CNTNAP4: variants seen among roughly 807,000 people sequenced by gnomAD.
CNTNAP4 encodes contactin-associated protein-like 4.
Under a neutral mutation model 148.4 loss-of-function variants are expected in CNTNAP4, and 98 were observed. That is an observed-to-expected ratio of 0.66 (90% CI 0.56 to 0.78). CNTNAP4 has a LOEUF of 0.78. Among genes scored for constraint, CNTNAP4 ranks in the 30% least tolerant of loss-of-function variants. The pLI is 0.00. For synonymous variants in CNTNAP4, 730 were observed against 565.1 expected (o/e 1.29, Z -4.14); for missense variants, 1,935 against 1,565.6 (o/e 1.24, Z -3.98).
rs542441752 is a variant in CNTNAP4 at position 76,298,053 on chromosome 16, C to T, written c.86-18360C>T. 5.3e-5 allele frequency among the ~76,000 whole-genome samples: 8 copies of T among 152,260 alleles called. No individual in the cohort carries two copies. In the South Asian group the frequency reaches 1.7e-3, roughly 32 times the overall value. On this transcript the variant is annotated intron_variant, in intron 1 of 23. Coordinates refer to ENST00000611870, the MANE Select transcript of CNTNAP4 (RefSeq NM_033401.5). ...CATAGTCACAAATTACTGTGGCTGC[C>T]TCTTTAGTGTCCCTACATCTTCCCC...
At position 76,495,084 on chromosome 16, in the gene CNTNAP4, T is replaced by C; in HGVS notation, c.2237+18T>C. 6.2e-7 allele frequency: 1 copy of C among 1,610,954 alleles called. No homozygotes were observed. Among genetic ancestry groups the C allele is most frequent in the South Asian group, 1.1e-5 (1 of 90,900 alleles). On this transcript the variant is annotated intron_variant, in intron 14 of 23. Transcript: ENST00000611870. Reference sequence around the variant, plus strand: ...AATGAATGGTGATTTCCATATGATTTCTTTATGCAAGAAAAAGTTCATTTA... The same window carrying C: ...AATGAATGGTGATTTCCATATGATTCCTTTATGCAAGAAAAAGTTCATTTA...
chr16:76,404,856 C>T (rs151089068), intron 3 of CNTNAP4, among the ~76,000 whole-genome samples: 4 of 151,938 alleles, frequency 2.6e-5, no homozygotes, highest in Admixed American at 1.3e-4. Flanking sequence ...TTCAAAATTG[C>T]TAAAATAATA....
chr16:76,471,165 T>C (rs545109271), intron 10 of CNTNAP4, among the ~76,000 whole-genome samples: 2 of 152,058 alleles, frequency 1.3e-5, no homozygotes, highest in South Asian at 2.1e-4. Flanking sequence ...TCTGTGGACA[T>C]GCAGTGGGGT....
chr16:76,535,632 C>A lies in CNTNAP4; in HGVS notation c.2843C>A (p.Ala948Asp). The A allele has an allele frequency of 6.2e-7, 1 of 1,613,892 alleles. No homozygotes were observed. The highest frequency in any genetic ancestry group is 8.5e-7 in the Non-Finnish European group (1 of 1,180,028). The change falls in exon 18 of 24, where the codon GCC becomes GAC. Residue 948 changes from alanine (A) to aspartate (D), a missense_variant. Coordinates refer to ENST00000611870, the MANE Select transcript of CNTNAP4 (RefSeq NM_033401.5). ...NGMTLDLEER[A>D]QVTPEVQPGC... ...ATGACCCTGGATTTGGAAGAAAGAG[C>A]CCAGGTGACTCCAGAAGTGCAGCCA...
At chr16:76,557,891 T>C (rs1039979317) in intron 23 of CNTNAP4, 3 of 152,218 alleles carry the variant, frequency 2.0e-5, no homozygotes, top group Non-Finnish European at 4.4e-5. Context: ...AATGCCAGCG[T>C]TGGTAACCAT....
intron 3 of CNTNAP4, among the ~76,000 whole-genome samples, chr16:76,386,586 T>C (rs2016534597): frequency 6.6e-6 from 1 of 152,110 alleles, no homozygotes; most frequent in Non-Finnish European, 1.5e-5. Flanking sequence ...TTCCAGAGCC[T>C]AACCTGGTGC....
intron 1 of CNTNAP4, among the ~76,000 whole-genome samples, chr16:76,311,565 C>G (rs1475600839): frequency 6.6e-6 from 1 of 152,034 alleles, no homozygotes; most frequent in Non-Finnish European, 1.5e-5. Context: ...CTAAAGCTAT[C>G]GTTTTACTAC....
chr16:76,510,501 C>G (rs964789028), intron 15 of CNTNAP4, among the ~76,000 whole-genome samples: 3 of 151,204 alleles, frequency 2.0e-5, no homozygotes, highest in Admixed American at 1.3e-4. Context: ...CTTTATTTCT[C>G]TTCGGTATGT....
In CNTNAP4 at chr16:76,489,735, C is replaced by G. The variant is rs766597788; in HGVS notation, c.1932C>G (p.Val644=). The G allele has an allele frequency of 1.9e-6, 3 of 1,605,034 alleles. No homozygotes were observed. Among genetic ancestry groups the G allele is most frequent in the Non-Finnish European group, 1.7e-6 (2 of 1,175,234 alleles). ...IQHNGSDLTR[V]RNTNPENPYA... ...ACAACGGCTCTGACTTAACAAGAGTCAGAAATACTAATCCAGAGAACCCAT... is the reference window on the plus strand; with the variant it reads ...ACAACGGCTCTGACTTAACAAGAGTGAGAAATACTAATCCAGAGAACCCAT... The change falls in exon 13 of 24, where the codon GTC becomes GTG. Residue 644 remains valine, a synonymous_variant. Transcript: ENST00000611870.
intron 8 of CNTNAP4, 91 bp from the exon 9 acceptor site, chr16:76,461,863 AGC>A: frequency 9.9e-7 from 1 of 1,013,494 alleles, no homozygotes; most frequent in Admixed American, 2.0e-5. Flanking sequence ...TAAGTACTGT[AGC>A]CAATTGAGTG....
At chr16:76,517,810 C>T (rs999041831) in intron 15 of CNTNAP4, among the ~76,000 whole-genome samples, 7 of 152,074 alleles carry the variant, frequency 4.6e-5, no homozygotes, top group South Asian at 2.1e-4. Flanking sequence ...CCCTCTGAGC[C>T]GCTGCTCTCC....
At chr16:76,344,857 A>G (rs548379909) in intron 2 of CNTNAP4, among the ~76,000 whole-genome samples, 1 of 152,286 alleles carries the variant, frequency 6.6e-6, no homozygotes, top group South Asian at 2.1e-4. Flanking sequence ...CTCTTTTCCA[A>G]AATGGCAGTG....
At chr16:76,439,297 AAG>A (rs1306628267) in intron 4 of CNTNAP4, among the ~76,000 whole-genome samples, 4 of 152,258 alleles carry the variant, frequency 2.6e-5, no homozygotes, top group African/African-American at 7.2e-5. Context: ...AGTTGATCAA[AAG>A]AGAGATAACT....
chr16:76,531,006 T>G (rs2083961757), intron 17 of CNTNAP4, among the ~76,000 whole-genome samples: 1 of 152,214 alleles, frequency 6.6e-6, no homozygotes, highest in Admixed American at 6.5e-5. Flanking sequence ...AATTTGTGGT[T>G]GAGGCTTTGC....
intron 2 of CNTNAP4, among the ~76,000 whole-genome samples, chr16:76,353,453 A>T (rs2012126250): frequency 6.6e-6 from 1 of 152,238 alleles, no homozygotes; most frequent in Non-Finnish European, 1.5e-5. Flanking sequence ...GACCCCGGCC[A>T]GGACTGGTCA....
intron 2 of CNTNAP4, among the ~76,000 whole-genome samples, chr16:76,333,224 A>T (rs1963696867): frequency 6.6e-6 from 1 of 152,082 alleles, no homozygotes; most frequent in Admixed American, 6.5e-5. Context: ...GCCCCATGAG[A>T]TGTTTGAGTG....
intron 3 of CNTNAP4, among the ~76,000 whole-genome samples, chr16:76,394,204 G>A (rs926204664): frequency 2.6e-5 from 4 of 152,146 alleles, no homozygotes; most frequent in African/African-American, 9.7e-5. Flanking sequence ...AATAGAGTTG[G>A]TCAGGAATGT....
At chr16:76,424,507 A>G (rs1407971472) in intron 3 of CNTNAP4, among the ~76,000 whole-genome samples, 1 of 152,100 alleles carries the variant, frequency 6.6e-6, no homozygotes, top group East Asian at 1.9e-4. Flanking sequence ...TAATCCTAAC[A>G]CCTTGAGAGG....
intron 17 of CNTNAP4, among the ~76,000 whole-genome samples, chr16:76,527,464 A>G (rs905029134): frequency 3.9e-5 from 6 of 152,198 alleles, no homozygotes; most frequent in Admixed American, 3.9e-4. Context: ...TCATCTGTCC[A>G]TCTTAAAGAT....
Sources: gnomAD v4.1 joint callset for allele counts (sites outside exome capture counted in the v4.1 genomes callset) on GRCh38, gnomAD v4.1.1 for gene constraint, MANE v1.5 for transcripts, NCBI Gene and HGNC (gene_info 2026-07-23, HGNC 2026-07-21) for gene names.